Variants in TRPV2 observed in about 807,000 individuals in gnomAD.
TRPV2 encodes the protein transient receptor potential cation channel subfamily V member 2, also known as OTRPC2.
TRPV2 carries 58 observed loss-of-function variants against 91.0 expected under a neutral mutation model. The observed-to-expected ratio is 0.64, with a 90% CI of 0.52 to 0.79. The LOEUF is 0.79. TRPV2 is among the 30% of genes least tolerant of loss of function. TRPV2 has a pLI of 0.00. For missense variants in TRPV2, 807 were observed against 969.6 expected (o/e 0.83, Z 2.23); for synonymous variants, 417 against 414.8 (o/e 1.01, Z -0.06).
At chr17:16,431,591 A>G (rs887305750) in intron 10 of TRPV2, among the ~76,000 whole-genome samples, 193 bp from the exon 11 acceptor site, 27 of 151,872 alleles carry the variant, frequency 1.8e-4, no homozygotes, top group African/African-American at 6.3e-4. Flanking sequence ...GAGCCACCGC[A>G]CCCAGCCAGA....
intron 13 of TRPV2, chr17:16,434,610 C>T: frequency 2.5e-6 from 1 of 406,242 alleles, no homozygotes; most frequent in Non-Finnish European, 4.4e-6. Context: ...TACACCTGAT[C>T]TGAATTCCTC....
At chr17:16,430,412 A>G (rs1470622620) in intron 10 of TRPV2, among the ~76,000 whole-genome samples, 1 of 151,804 alleles carries the variant, frequency 6.6e-6, no homozygotes, top group East Asian at 1.9e-4. Flanking sequence ...TTTGTCCTTT[A>G]ATGTCTGGCT....
At chr17:16,433,283 G>T (rs1044696587) in intron 12 of TRPV2, 2 of 305,712 alleles carry the variant, frequency 6.5e-6, no homozygotes, top group South Asian at 7.4e-5. Flanking sequence ...AGCCTGGAAC[G>T]ATGTAAGAGC....
chr17:16,434,934 C>T lies in TRPV2; in HGVS notation c.2159C>T (p.Thr720Met), dbSNP rs754455913. 8.7e-6 allele frequency: 14 copies of T among 1,611,822 alleles called. No individual in the cohort carries two copies. Among genetic ancestry groups the T allele is most frequent in the Non-Finnish European group, 7.6e-6 (9 of 1,179,062 alleles). Residue 720 changes from threonine to methionine, a missense_variant, in exon 14 of 15, where the codon ACG becomes ATG. Transcript: ENST00000338560. ...GCTTCATGGGAGCAGACGCTGCCTA[C>T]GCTGTGTGAGGACCCGTCAGGGGCA... ...NWASWEQTLPTLCEDPSGAGV... is the reference protein window; with the variant it reads ...NWASWEQTLPMLCEDPSGAGV...
At chr17:16,418,722 G>T (rs2093342720) in intron 2 of TRPV2, among the ~76,000 whole-genome samples, 1 of 152,030 alleles carries the variant, frequency 6.6e-6, no homozygotes, top group South Asian at 2.1e-4. Context: ...ACCTCAATCT[G>T]TGCCCTCAAT....
Position 16,428,300 on chromosome 17 carries a change from C to T in TRPV2, c.1351-17C>T, listed in dbSNP as rs1488478942. 6 of 1,613,752 alleles carry T rather than the reference C, an allele frequency of 3.7e-6. No homozygotes were observed. Among genetic ancestry groups the T allele is most frequent in the Non-Finnish European group, 5.1e-6 (6 of 1,179,740 alleles). On this transcript the variant is annotated splice_polypyrimidine_tract_variant and intron_variant, in intron 8 of 14. Coordinates refer to ENST00000338560, the MANE Select transcript of TRPV2 (RefSeq NM_016113.5). The stretch of plus-strand genomic sequence containing the variant: ...GAGAGCAGGTTTCACAGCCCTCTGT[C>T]CTCCCTTCCTCCGCAGCTGTGGTAC...
chr17:16,420,732 G>C (rs1308410289), intron 3 of TRPV2, among the ~76,000 whole-genome samples: 1 of 152,062 alleles, frequency 6.6e-6, no homozygotes, highest in Non-Finnish European at 1.5e-5. Flanking sequence ...TCTCATCCTG[G>C]GCTCCAATTA....
intron 14 of TRPV2, among the ~76,000 whole-genome samples, chr17:16,436,146 G>A (rs1053828953): frequency 2.6e-5 from 4 of 152,140 alleles, no homozygotes; most frequent in African/African-American, 9.7e-5. Context: ...GACCCCTCAG[G>A]CGGCCACTCA....
Position 16,432,030 on chromosome 17 carries a change from G to A in TRPV2, c.1719G>A (p.Glu573=). The A allele has an allele frequency of 6.2e-7, 1 of 1,612,146 alleles. No individual in the cohort carries two copies. Among genetic ancestry groups the A allele is most frequent in the Non-Finnish European group, 8.5e-7 (1 of 1,178,476 alleles). The stretch of plus-strand genomic sequence containing the variant: ...CTCCTACAGGCCCCAATGCCACAGA[G>A]TCAGTGCAGCCCATGGAGGGACAGG... ...PEAPTGPNAT[E]SVQPMEGQED... Residue 573 remains glutamate, a synonymous_variant, in exon 12 of 15, where the codon GAG becomes GAA. Transcript: ENST00000338560.
At chr17:16,419,985 C>A in intron 2 of TRPV2, 130 bp from the exon 3 acceptor site, 2 of 1,349,284 alleles carry the variant, frequency 1.5e-6, no homozygotes, top group Non-Finnish European at 1.0e-6. Context: ...GAAGGGCTCT[C>A]ACTGGGCTCC....
At chr17:16,433,507 G>T in intron 12 of TRPV2, 67 bp from the exon 13 acceptor site, 1 of 1,589,120 alleles carries the variant, frequency 6.3e-7, no homozygotes, top group Non-Finnish European at 8.5e-7. Flanking sequence ...TGCTCCGCTT[G>T]CCTTGTGTGC....
At chr17:16,421,168 G>A (rs1456891623) in intron 3 of TRPV2, among the ~76,000 whole-genome samples, 1 of 151,946 alleles carries the variant, frequency 6.6e-6, no homozygotes, top group African/African-American at 2.4e-5. Context: ...TCAACTAGCT[G>A]TGTGCCAGGC....
Position 16,436,951 on chromosome 17 carries a change from G to A in TRPV2, c.*62G>A. 1 of 1,304,530 alleles carries A rather than the reference G, an allele frequency of 7.7e-7. No individual in the cohort carries two copies. The highest frequency in any genetic ancestry group is 1.2e-5 in the South Asian group (1 of 84,330). The allele number at this position is 1,304,530 out of a possible 1,614,324, so 80.8% of individuals were successfully genotyped here. A position where few individuals can be genotyped will look rare whatever the true frequency, so the allele number is the denominator to read the frequency against. On this transcript the variant is annotated 3_prime_UTR_variant, in exon 15 of 15. Transcript: ENST00000338560. ...GAGGATCTTTCCAACCACATCTGCT[G>A]GCTCTGGGGTCCCAGTGAATTCTGG...
intron 10 of TRPV2, among the ~76,000 whole-genome samples, chr17:16,430,432 C>T (rs1188544404): frequency 6.6e-6 from 1 of 151,612 alleles, no homozygotes; most frequent in African/African-American, 2.4e-5. Context: ...TTATTTTACT[C>T]AGTATAATGT....
intron 10 of TRPV2, among the ~76,000 whole-genome samples, chr17:16,429,632 T>C (rs897092946): frequency 4.6e-5 from 7 of 151,704 alleles, no homozygotes; most frequent in South Asian, 2.1e-4. Context: ...CACAGCAGGG[T>C]GAAGAGGAGA....
At position 16,428,969 on chromosome 17, in the gene TRPV2, T is replaced by C; in HGVS notation, c.1574T>C (p.Val525Ala). Reference sequence around the variant, plus strand: ...TTCCAGCACACAGGCATCTACAGTGTCATGATCCAGAAGGTGAGAGAAGGG... The same window carrying C: ...TTCCAGCACACAGGCATCTACAGTGCCATGATCCAGAAGGTGAGAGAAGGG... The part of the protein sequence containing the change: ...RGFQHTGIYS[V>A]MIQKVILRDL... Residue 525 changes from valine to alanine, a missense_variant, in exon 10 of 15, where the codon GTC becomes GCC. Physicochemically the swap from Val to Ala is moderately conservative, Grantham distance 64 (BLOSUM62 0). Transcript: ENST00000338560. 1 of 1,614,166 alleles carries C rather than the reference T, an allele frequency of 6.2e-7. No individual in the cohort carries two copies. The highest frequency in any genetic ancestry group is 8.5e-7 in the Non-Finnish European group (1 of 1,180,026).
intron 5 of TRPV2, among the ~76,000 whole-genome samples, chr17:16,425,438 C>T (rs894732168): frequency 1.4e-4 from 21 of 152,210 alleles, no homozygotes; most frequent in African/African-American, 5.1e-4. Context: ...TGGCCTGTTC[C>T]AAATAGCTTT....
chr17:16,426,825 T>A lies in TRPV2; in HGVS notation c.1199T>A (p.Ile400Asn). 1 of 1,613,902 alleles carries A rather than the reference T, an allele frequency of 6.2e-7. No homozygotes were observed. Among genetic ancestry groups the A allele is most frequent in the Non-Finnish European group, 8.5e-7 (1 of 1,179,960 alleles). Residue 400 changes from isoleucine to asparagine, a missense_variant, in exon 7 of 15, where the codon ATC becomes AAC. Physicochemically the swap from Ile to Asn is moderately radical, Grantham distance 149. Coordinates refer to ENST00000338560, the MANE Select transcript of TRPV2 (RefSeq NM_016113.5). This position sits in a 1 kb window ranked among gnomAD's most constrained non-coding sequence, Gnocchi z 6.0. ...KFFLNFLCNLIYMFIFTAVAY... is the reference protein window; with the variant it reads ...KFFLNFLCNLNYMFIFTAVAY... ...TTCTTAAACTTCCTGTGTAATCTGA[T>A]CTACATGTTCATCTTCACCGCTGTT...
intron 2 of TRPV2, among the ~76,000 whole-genome samples, chr17:16,418,745 C>T (rs2142976342): frequency 6.6e-6 from 1 of 152,184 alleles, no homozygotes; most frequent in South Asian, 2.1e-4. Flanking sequence ...GCTTCCCTAC[C>T]CCAGGACCAT....
Sources: gnomAD v4.1 joint callset for allele counts (sites outside exome capture counted in the v4.1 genomes callset) on GRCh38, gnomAD v4.1.1 for gene constraint, Gnocchi (gnomAD v3.1) non-coding constraint, MANE v1.5 for transcripts, NCBI Gene and HGNC (gene_info 2026-07-23, HGNC 2026-07-21) for gene names.